The following CHSY3 variants were observed in gnomAD, a reference collection of about 807,000 sequenced individuals.
CHSY3 encodes the protein chondroitin sulfate synthase 3.
In CHSY3, 35 loss-of-function variants were observed where a neutral mutation model predicts 67.2. That is an observed-to-expected ratio of 0.52 (90% CI 0.40 to 0.69). The LOEUF (loss-of-function observed/expected upper bound fraction) is 0.69. CHSY3 is among the 30% of genes least tolerant of loss of function. The probability of loss-of-function intolerance (pLI) is 0.00; values close to 1 mark genes in which losing one functional copy is unlikely to be tolerated. For missense variants in CHSY3, 1,069 were observed against 1,138.5 expected, an observed-to-expected ratio of 0.94 and a Z score of 0.88; for synonymous variants, 474 against 434.7, an observed-to-expected ratio of 1.09 and a Z score of -1.12.
intron 2 of CHSY3, among the ~76,000 whole-genome samples, chr5:129,921,566 A>C (rs1214870130): frequency 3.3e-5 from 5 of 152,186 alleles, no homozygotes; most frequent in Admixed American, 3.3e-4. Context: ...CCTCCACAGA[A>C]AGTGAAATGG....
At chr5:130,107,555 C>T (rs995440345) in intron 2 of CHSY3, among the ~76,000 whole-genome samples, 2 of 151,472 alleles carry the variant, frequency 1.3e-5, no homozygotes, top group African/African-American at 2.4e-5. Context: ...TGTTTTCCTT[C>T]TGCTTTATAC....
intron 2 of CHSY3, among the ~76,000 whole-genome samples, chr5:130,069,970 T>A (rs546455968): frequency 6.6e-6 from 1 of 152,206 alleles, no homozygotes; most frequent in Admixed American, 6.6e-5. Context: ...ATATTGACAT[T>A]TATCTTAAAT....
At chr5:130,015,932 G>A (rs1324947112) in intron 2 of CHSY3, among the ~76,000 whole-genome samples, 4 of 152,216 alleles carry the variant, frequency 2.6e-5, no homozygotes, top group East Asian at 3.9e-4. Context: ...GTCCTTGACA[G>A]CAGCATGGAT....
At chr5:130,162,752 G>A (rs185800830) in intron 2 of CHSY3, among the ~76,000 whole-genome samples, 1 of 152,224 alleles carries the variant, frequency 6.6e-6, no homozygotes, top group Admixed American at 6.5e-5. Flanking sequence ...CCAACTAGAA[G>A]CATTGGAGCA....
chr5:130,137,316 T>G (rs1057020547), intron 2 of CHSY3, among the ~76,000 whole-genome samples: 2 of 152,174 alleles, frequency 1.3e-5, no homozygotes, highest in Non-Finnish European at 2.9e-5. Context: ...ACAGAACATG[T>G]TCACTTTTTT....
At chr5:130,001,667 A>G (rs1352561336) in intron 2 of CHSY3, 16 of 747,340 alleles carry the variant, frequency 2.1e-5, no homozygotes, top group Non-Finnish European at 2.6e-5. Context: ...AGTAATTTAT[A>G]AGCCTGCGTC....
intron 2 of CHSY3, among the ~76,000 whole-genome samples, chr5:130,078,115 T>G (rs1197908428): frequency 1.3e-5 from 2 of 151,966 alleles, no homozygotes; most frequent in Admixed American, 1.3e-4. Context: ...CAAGGTGAAA[T>G]ATCTTATAAG....
At chr5:130,087,244 A>G (rs893414903) in intron 2 of CHSY3, among the ~76,000 whole-genome samples, 2 of 152,110 alleles carry the variant, frequency 1.3e-5, no homozygotes, top group African/African-American at 4.8e-5. Context: ...ATCTGTGACA[A>G]ACCCACAGCC....
intron 2 of CHSY3, among the ~76,000 whole-genome samples, chr5:129,990,695 A>C (rs368030870): frequency 4.6e-5 from 7 of 152,280 alleles, no homozygotes; most frequent in South Asian, 2.1e-4. Context: ...ACTTATATTC[A>C]ATTATTTCTT....
chr5:129,954,846 T>C (rs897336159), intron 2 of CHSY3, among the ~76,000 whole-genome samples: 1 of 152,146 alleles, frequency 6.6e-6, no homozygotes, highest in Non-Finnish European at 1.5e-5. Context: ...GAGACTTTGC[T>C]GAAGTTGCCT....
intron 2 of CHSY3, among the ~76,000 whole-genome samples, chr5:129,978,980 G>C (rs28434071): frequency 0.56 from 84,678 of 151,326 alleles, 23,829 homozygotes; most frequent in Middle Eastern, 0.6. Flanking sequence ...GGGCAGATCA[G>C]GAGGTCAGGA....
chr5:130,185,919 T>A lies in CHSY3; in HGVS notation c.*128T>A. 1 of 499,530 alleles carries A rather than the reference T, an allele frequency of 2.0e-6. No homozygotes were observed. The highest frequency in any genetic ancestry group is 3.1e-6 in the Non-Finnish European group (1 of 322,064). The allele number at this position is 499,530 out of a possible 1,614,324, so 30.9% of individuals were successfully genotyped here. The stretch of plus-strand genomic sequence containing the variant: ...TAATTTTATTTTGTTGTCCTGGTCT[T>A]AAACTACTCTTGGTTGTCTTCCTAA... On this transcript the variant is annotated 3_prime_UTR_variant, in exon 3 of 3. Transcript: ENST00000305031.
chr5:129,958,999 T>C (rs1762255091), intron 2 of CHSY3, among the ~76,000 whole-genome samples: 1 of 152,178 alleles, frequency 6.6e-6, no homozygotes, highest in African/African-American at 2.4e-5. Context: ...GTTTGTTAGC[T>C]AAACATAGCA....
At chr5:129,963,497 AAC>A (rs1364907595) in intron 2 of CHSY3, among the ~76,000 whole-genome samples, 1 of 152,042 alleles carries the variant, frequency 6.6e-6, no homozygotes, top group Non-Finnish European at 1.5e-5. Context: ...GTGTACTATT[AAC>A]ATATGAGTGA....
At chr5:130,143,341 A>C (rs560938436) in intron 2 of CHSY3, among the ~76,000 whole-genome samples, 1 of 152,234 alleles carries the variant, frequency 6.6e-6, no homozygotes, top group African/African-American at 2.4e-5. Context: ...GCAGACCATG[A>C]GACAAAGGGA....
intron 2 of CHSY3, among the ~76,000 whole-genome samples, chr5:130,176,106 A>G (rs1770040971): frequency 6.6e-6 from 1 of 152,226 alleles, no homozygotes; most frequent in Non-Finnish European, 1.5e-5. Flanking sequence ...TATCCAGCTG[A>G]CAAAGGGCTA....
chr5:130,177,835 A>AT (rs1376735849), intron 2 of CHSY3, among the ~76,000 whole-genome samples: 2 of 151,584 alleles, frequency 1.3e-5, no homozygotes, highest in African/African-American at 2.4e-5. Context: ...TTTGTTGATA[A>AT]TTTTTTCCTC....
chr5:130,165,517 ATTTTCTTGTTTATAGTTTTGTTTTTGC>A (rs1319340718), intron 2 of CHSY3, among the ~76,000 whole-genome samples: 1 of 151,700 alleles, frequency 6.6e-6, no homozygotes, highest in Admixed American at 6.6e-5. Flanking sequence ...CGTGTCCTTT[ATTTTCTTGTTTATAGTTTTGTTTTTGC>A]TTTAAAAGAA....
chr5:130,081,867 T>C (rs1766457512), intron 2 of CHSY3, among the ~76,000 whole-genome samples: 1 of 152,098 alleles, frequency 6.6e-6, no homozygotes, highest in African/African-American at 2.4e-5. Context: ...AGTAAGAAAA[T>C]GGACTAATAC....
Sources: allele counts gnomAD v4.1 joint callset (sites outside exome capture counted in the v4.1 genomes callset), GRCh38; gene constraint gnomAD v4.1.1; transcripts MANE v1.5; gene names NCBI Gene and HGNC (gene_info 2026-07-23, HGNC 2026-07-21).